Variants in ZNF568 observed in about 807,000 individuals in gnomAD.
The protein encoded by ZNF568 is p53 inhibitor of SCO2 activation.
A neutral mutation model predicts 18.1 loss-of-function variants in ZNF568; 11 were observed. The observed-to-expected ratio is 0.61, with a 90% CI of 0.38 to 1.00. The LOEUF is 1.00. Ranked by LOEUF, ZNF568 falls within the 50% of genes least tolerant of loss-of-function variation. The probability of loss-of-function intolerance (pLI) is 0.01; values close to 1 mark genes in which losing one functional copy is unlikely to be tolerated. For missense variants in ZNF568, 639 were observed against 768.2 expected, an observed-to-expected ratio of 0.83 and a Z score of 1.99; for synonymous variants, 213 against 246.6, an observed-to-expected ratio of 0.86 and a Z score of 1.28.
intron 2 of ZNF568, among the ~76,000 whole-genome samples, chr19:36,985,043 A>G (rs2074364184): frequency 6.6e-6 from 1 of 152,022 alleles, no homozygotes; most frequent in African/African-American, 2.4e-5. Flanking sequence ...TTCTCCTTCT[A>G]GAACTTCAGT....
chr19:36,985,086 C>A (rs1055116540), intron 2 of ZNF568, among the ~76,000 whole-genome samples: 5 of 152,134 alleles, frequency 3.3e-5, no homozygotes, highest in Non-Finnish European at 7.4e-5. Context: ...ACATTATCTT[C>A]TTAATCTCTC....
intron 4 of ZNF568, among the ~76,000 whole-genome samples, chr19:36,927,199 CA>C (rs763863255): frequency 3.3e-5 from 5 of 152,094 alleles, no homozygotes; most frequent in Non-Finnish European, 7.4e-5. Flanking sequence ...TAATAGAATT[CA>C]GTCAAAATAT....
rs1258918328 is a variant in ZNF568 at position 36,950,571 on chromosome 19, C to T, written c.1418C>T (p.Pro473Leu). The change falls in exon 7 of 7, where the codon CCT (proline) becomes CTT (leucine). Residue 473 changes from proline to leucine, a missense_variant. Coordinates refer to ENST00000333987, the MANE Select transcript of ZNF568 (RefSeq NM_198539.4). ...CAGAAAATTCACACTGGAGAGAAAC[C>T]TTATGAATGCAGTGAATGTGGGAAA... is the stretch of plus-strand genomic sequence containing the variant. ...THQKIHTGEKPYECSECGKAF... is the reference protein window; with the variant it reads ...THQKIHTGEKLYECSECGKAF... 6.2e-7 allele frequency: 1 copy of T among 1,613,588 alleles called. No individual in the cohort carries two copies. Among genetic ancestry groups the T allele is most frequent in the African/African-American group, 1.3e-5 (1 of 74,892 alleles).
intron 4 of ZNF568, among the ~76,000 whole-genome samples, chr19:36,934,198 TTCTC>T (rs1214185296): frequency 6.6e-6 from 1 of 151,798 alleles, no homozygotes; most frequent in East Asian, 1.9e-4. Flanking sequence ...GTTTTATTGA[TTCTC>T]TCTAATGTTT....
chr19:36,986,879 G>C (rs2074380929), intron 2 of ZNF568, among the ~76,000 whole-genome samples: 1 of 152,136 alleles, frequency 6.6e-6, no homozygotes, highest in Non-Finnish European at 1.5e-5. Context: ...GCAGGGGCCA[G>C]CTGAGGGTTC....
intron 6 of ZNF568, among the ~76,000 whole-genome samples, chr19:36,970,436 C>G: frequency 6.6e-6 from 1 of 151,424 alleles, no homozygotes; most frequent in Non-Finnish European, 1.5e-5. Context: ...ACCTCTGCCT[C>G]CGGGTACAAG....
intron 4 of ZNF568, among the ~76,000 whole-genome samples, chr19:36,935,559 C>CAA (rs35289380): frequency 7.9e-6 from 1 of 127,208 alleles, no homozygotes; most frequent in Non-Finnish European, 1.7e-5. Context: ...GACTCTGTAT[C>CAA]AAAAAAAAAA....
intron 2 of ZNF568, among the ~76,000 whole-genome samples, chr19:36,988,339 G>A (rs904731246): frequency 6.6e-6 from 1 of 152,180 alleles, no homozygotes. Flanking sequence ...TGAGACTGGG[G>A]ATTTTATAAA....
intron 7 of ZNF568, among the ~76,000 whole-genome samples, chr19:36,976,609 C>T (rs540027551): frequency 6.6e-6 from 1 of 152,208 alleles, no homozygotes; most frequent in South Asian, 2.1e-4. Flanking sequence ...CAAAGTTACG[C>T]AGTTAAAAAT....
In ZNF568 at chr19:36,994,201, C is replaced by T. The variant is rs75496539; in HGVS notation, c.230-2116C>T. Among the ~76,000 whole-genome samples the T allele has an allele frequency of 8.6e-3, 1,306 of 152,072 alleles. 14 individuals carry two copies. Among genetic ancestry groups the T allele is most frequent in the Middle Eastern group, 0.031 (9 of 294 alleles). On this transcript the variant is annotated intron_variant, in intron 4 of 4. Transcript: ENST00000433993. Reference sequence around the variant, plus strand: ...TTAGGAGTATGTTATTTAATTTTCACGTTTGTGAATTTCCCAGATTTCCTT... The same window carrying T: ...TTAGGAGTATGTTATTTAATTTTCATGTTTGTGAATTTCCCAGATTTCCTT...
intron 7 of ZNF568, among the ~76,000 whole-genome samples, chr19:36,974,826 A>ATT (rs3053253): frequency 0.049 from 6,530 of 132,206 alleles, 467 homozygotes; most frequent in African/African-American, 0.14. Context: ...TTGCTTACCA[A>ATT]TTTTTTTTTT....
At chr19:36,980,574 C>G (rs1484072465), downstream of ZNF568, among the ~76,000 whole-genome samples, 1 of 152,106 alleles carries the variant, frequency 6.6e-6, no homozygotes, top group African/African-American at 2.4e-5. Context: ...CACCACCACC[C>G]TTAGGTATAA....
intron 4 of ZNF568, 36 bp from the exon 5 acceptor site, chr19:36,936,710 G>A (rs1444587330): frequency 6.3e-7 from 1 of 1,591,660 alleles, no homozygotes; most frequent in Admixed American, 1.7e-5. Flanking sequence ...GCCTAATTTT[G>A]ATGACTTCAA....
At chr19:36,918,241 G>A (rs2073387165) in intron 2 of ZNF568, among the ~76,000 whole-genome samples, 1 of 152,142 alleles carries the variant, frequency 6.6e-6, no homozygotes, top group South Asian at 2.1e-4. Context: ...ACCATGCCCA[G>A]CCTATTCTCT....
At chr19:36,975,551 A>C (rs1293867383) in intron 7 of ZNF568, among the ~76,000 whole-genome samples, 1 of 151,734 alleles carries the variant, frequency 6.6e-6, no homozygotes, top group African/African-American at 2.4e-5. Context: ...ACGCCCAGCT[A>C]ATTTTTCTAT....
intron 6 of ZNF568, among the ~76,000 whole-genome samples, chr19:36,937,995 T>C (rs1339429204): frequency 1.3e-5 from 2 of 152,216 alleles, no homozygotes; most frequent in Non-Finnish European, 2.9e-5. Flanking sequence ...TTTTTGGAGT[T>C]ATCCTGGCTA....
downstream of ZNF568, among the ~76,000 whole-genome samples, chr19:36,953,994 C>T (rs551174427): frequency 2.0e-5 from 3 of 152,256 alleles, no homozygotes; most frequent in East Asian, 1.9e-4. Flanking sequence ...GAGGCCTAGG[C>T]GGGCCGATTA....
intron 2 of ZNF568, among the ~76,000 whole-genome samples, chr19:36,985,063 A>G (rs1329620812): frequency 1.3e-5 from 2 of 152,082 alleles, no homozygotes; most frequent in Non-Finnish European, 2.9e-5. Flanking sequence ...TTAAATATCT[A>G]TTAAGCCATC....
chr19:36,932,367 C>T (rs954257645), intron 4 of ZNF568, among the ~76,000 whole-genome samples: 2 of 152,160 alleles, frequency 1.3e-5, no homozygotes, highest in Non-Finnish European at 2.9e-5. Flanking sequence ...ATGGGCAGAT[C>T]ACCTGAAGTC....
Sources: allele counts gnomAD v4.1 joint callset (sites outside exome capture counted in the v4.1 genomes callset), GRCh38; gene constraint gnomAD v4.1.1; transcripts MANE v1.5; gene names NCBI Gene and HGNC (gene_info 2026-07-23, HGNC 2026-07-21).